Variants in DIAPH3 observed in about 807,000 individuals in gnomAD.
DIAPH3 encodes protein diaphanous homolog 3.
A neutral mutation model predicts 144.3 loss-of-function variants in DIAPH3; 117 were observed. The observed-to-expected ratio is 0.81, with a 90% CI of 0.70 to 0.95. The LOEUF is 0.95. Among genes scored for constraint, DIAPH3 ranks in the 40% least tolerant of loss-of-function variants. DIAPH3 has a pLI of 0.00. For synonymous variants in DIAPH3, 519 were observed against 488.9 expected (o/e 1.06, Z -0.81); for missense variants, 1,421 against 1,412.7 (o/e 1.01, Z -0.09).
chr13:59,803,280 T>C (rs1327962983), intron 25 of DIAPH3, among the ~76,000 whole-genome samples: 1 of 152,176 alleles, frequency 6.6e-6, no homozygotes, highest in Admixed American at 6.5e-5. Context: ...GATGTTAATA[T>C]AAAGATTTCT....
chr13:59,770,066 C>T (rs994064069), intron 27 of DIAPH3, among the ~76,000 whole-genome samples: 2 of 151,942 alleles, frequency 1.3e-5, no homozygotes, highest in African/African-American at 2.4e-5. Flanking sequence ...GTAACCAAAT[C>T]GAAATTGAAT....
intron 17 of DIAPH3, among the ~76,000 whole-genome samples, chr13:59,925,288 T>G (rs187440872): frequency 6.6e-6 from 1 of 152,138 alleles, no homozygotes; most frequent in East Asian, 1.9e-4. Flanking sequence ...AAAACAGTCA[T>G]TTTATGTCTA....
chr13:59,979,957 G>T (rs531507831), intron 14 of DIAPH3, among the ~76,000 whole-genome samples: 2 of 151,732 alleles, frequency 1.3e-5, no homozygotes, highest in African/African-American at 4.8e-5. Context: ...ATAGGTACTT[G>T]CTAAGCCAGA....
At chr13:59,900,896 C>T (rs1391778129) in intron 20 of DIAPH3, among the ~76,000 whole-genome samples, 1 of 152,182 alleles carries the variant, frequency 6.6e-6, no homozygotes, top group Non-Finnish European at 1.5e-5. Flanking sequence ...GAACTCTTAT[C>T]TAATTTTACA....
Position 59,774,720 on chromosome 13 carries a change from G to T in DIAPH3, c.3259+8C>A. 6.2e-7 allele frequency: 1 copy of T among 1,612,708 alleles called. No homozygotes were observed. The highest frequency in any genetic ancestry group is 1.3e-5 in the African/African-American group (1 of 74,988). ...TAGAAAGTAACATGAAACAAGTATA[G>T]GGTTCACCTTTTGGCATCGGTGTCC... On this transcript the variant is annotated splice_region_variant and intron_variant, in intron 26 of 27. Coordinates refer to ENST00000400324, the MANE Select transcript of DIAPH3 (RefSeq NM_001042517.2).
chr13:60,040,838 T>G (rs970355667), intron 5 of DIAPH3, among the ~76,000 whole-genome samples: 2 of 152,126 alleles, frequency 1.3e-5, no homozygotes, highest in Admixed American at 6.5e-5. Flanking sequence ...CAATAATTTT[T>G]TTTTTCGCTC....
At position 59,850,249 on chromosome 13, in the gene DIAPH3, A is replaced by G. The variant is rs1312213383; in HGVS notation, c.2738-10801T>C. On this transcript the variant is annotated intron_variant, in intron 22 of 27. Transcript: ENST00000400324. Reference sequence around the variant, plus strand: ...GACGATGGGGTTTTCTAGATAAACAATCATGTCGTCTGCAAACAGGGACAA... The same window carrying G: ...GACGATGGGGTTTTCTAGATAAACAGTCATGTCGTCTGCAAACAGGGACAA... Among the ~76,000 whole-genome samples, 171 of 151,680 alleles carry G rather than the reference A, an allele frequency of 1.1e-3. 1 individual carries two copies. The highest frequency in any genetic ancestry group is 4.0e-3 in the African/African-American group (165 of 41,404).
intron 20 of DIAPH3, among the ~76,000 whole-genome samples, chr13:59,888,330 G>A (rs915710595): frequency 3.9e-5 from 6 of 151,968 alleles, no homozygotes; most frequent in Admixed American, 6.6e-5. Flanking sequence ...AAATGGAGTC[G>A]GCCAGCACCC....
At chr13:60,090,651 AAT>A (rs753065432) in intron 4 of DIAPH3, among the ~76,000 whole-genome samples, 2 of 152,182 alleles carry the variant, frequency 1.3e-5, no homozygotes, top group African/African-American at 2.4e-5. Context: ...TAGCTTTTTC[AAT>A]AGTCATTAAT....
intron 4 of DIAPH3, among the ~76,000 whole-genome samples, chr13:60,060,116 A>G (rs1009467866): frequency 2.0e-5 from 3 of 152,006 alleles, no homozygotes; most frequent in Non-Finnish European, 4.4e-5. Context: ...TTGCCTCTTC[A>G]TATGTACAAG....
intron 5 of DIAPH3, among the ~76,000 whole-genome samples, chr13:60,031,592 A>G (rs2054798464): frequency 6.6e-6 from 1 of 152,188 alleles, no homozygotes; most frequent in Non-Finnish European, 1.5e-5. Context: ...GTAAAATCAA[A>G]AACAAGTCAT....
intron 27 of DIAPH3, among the ~76,000 whole-genome samples, chr13:59,688,963 G>A (rs1236148791): frequency 6.6e-6 from 1 of 152,052 alleles, no homozygotes; most frequent in East Asian, 1.9e-4. Context: ...CATAGAAGAT[G>A]TTTATGTAAT....
intron 2 of DIAPH3, among the ~76,000 whole-genome samples, chr13:60,130,502 A>G (rs997239313): frequency 2.6e-5 from 4 of 152,176 alleles, no homozygotes; most frequent in Admixed American, 6.5e-5. Flanking sequence ...GGTCAGAAAG[A>G]CTGACAGAAG....
At chr13:59,849,756 C>T (rs1593668148) in intron 22 of DIAPH3, among the ~76,000 whole-genome samples, 1 of 54,760 alleles carries the variant, frequency 1.8e-5, no homozygotes, top group East Asian at 4.9e-4. Flanking sequence ...TAGTGTGATG[C>T]CTCCAGCTTT....
chr13:59,842,031 C>A (rs1422581076), intron 22 of DIAPH3, among the ~76,000 whole-genome samples: 1 of 152,016 alleles, frequency 6.6e-6, no homozygotes, highest in Non-Finnish European at 1.5e-5. Flanking sequence ...GTTTTCATAA[C>A]CCCTGTCAGT....
At chr13:59,728,817 T>C (rs2035732651) in intron 27 of DIAPH3, among the ~76,000 whole-genome samples, 1 of 152,186 alleles carries the variant, frequency 6.6e-6, no homozygotes, top group Non-Finnish European at 1.5e-5. Context: ...TTTTTCTCTA[T>C]GTATGGAAGT....
At chr13:60,096,293 G>C (rs1006404735) in intron 3 of DIAPH3, among the ~76,000 whole-genome samples, 5 of 152,182 alleles carry the variant, frequency 3.3e-5, no homozygotes, top group African/African-American at 9.6e-5. Context: ...AATATACACA[G>C]AATACCAAAA....
intron 18 of DIAPH3, among the ~76,000 whole-genome samples, chr13:59,920,814 A>T (rs111537717): frequency 1.3e-5 from 2 of 151,882 alleles, no homozygotes; most frequent in Non-Finnish European, 2.9e-5. Context: ...CACATGGAAC[A>T]TTCTCCAGGA....
chr13:59,686,733 A>T (rs2033234709), intron 27 of DIAPH3, among the ~76,000 whole-genome samples: 1 of 152,066 alleles, frequency 6.6e-6, no homozygotes, highest in Admixed American at 6.6e-5. Flanking sequence ...GGCTTGTGTC[A>T]GAGGTTTATC....
Sources: gnomAD v4.1 joint callset for allele counts (sites outside exome capture counted in the v4.1 genomes callset) on GRCh38, gnomAD v4.1.1 for gene constraint, MANE v1.5 for transcripts, NCBI Gene and HGNC (gene_info 2026-07-23, HGNC 2026-07-21) for gene names.